Variants in TRIM14 observed in about 807,000 individuals in gnomAD.
TRIM14 encodes tripartite motif-containing protein 14.
A neutral mutation model predicts 44.5 loss-of-function variants in TRIM14; 28 were observed. That is an observed-to-expected ratio of 0.63 (90% confidence interval 0.47 to 0.86). TRIM14 has a LOEUF of 0.86. TRIM14 is among the 40% of genes least tolerant of loss of function. The pLI is 0.00. For missense variants in TRIM14, 607 were observed against 611.1 expected, an observed-to-expected ratio of 0.99 and a Z score of 0.07; for synonymous variants, 299 against 269.2, an observed-to-expected ratio of 1.11 and a Z score of -1.08.
chr9:98,071,643 T>C (rs73492791), intron 6 of TRIM14, among the ~76,000 whole-genome samples: 59,871 of 152,096 alleles, frequency 0.39, 14,628 homozygotes, highest in African/African-American at 0.68. Context: ...CCTGGCTTTG[T>C]CCTTAACTCT....
At chr9:98,077,163 G>C (rs779206025) in intron 6 of TRIM14, 69 of 637,204 alleles carry the variant, frequency 1.1e-4, no homozygotes, top group Non-Finnish European at 1.7e-4. Flanking sequence ...GGGTCTCGCT[G>C]TGTTGGCCAG....
the TRIM14 span, among the ~76,000 whole-genome samples, chr9:98,037,129 G>A: frequency 6.6e-6 from 1 of 152,202 alleles, no homozygotes; most frequent in Non-Finnish European, 1.5e-5. Context: ...TGTAATCCCA[G>A]CACTTTGGGA....
intron 6 of TRIM14, among the ~76,000 whole-genome samples, chr9:98,070,873 T>C (rs1322334948): frequency 1.3e-5 from 2 of 150,982 alleles, no homozygotes; most frequent in Non-Finnish European, 2.9e-5. Flanking sequence ...AGCACAATCA[T>C]AGCTCATAGC....
At chr9:98,089,411 C>T (rs919604354) in intron 5 of TRIM14, among the ~76,000 whole-genome samples, 7 of 152,038 alleles carry the variant, frequency 4.6e-5, no homozygotes, top group African/African-American at 9.7e-5. Flanking sequence ...TCCTGACCTC[C>T]GGTGATCCGC....
the TRIM14 span, among the ~76,000 whole-genome samples, chr9:98,040,721 G>A: frequency 2.0e-5 from 3 of 151,508 alleles, no homozygotes; most frequent in Non-Finnish European, 4.4e-5. Flanking sequence ...GCAGTGGCGC[G>A]ATCTCAGCTC....
chr9:98,069,244 G>A (rs1399794869), downstream of TRIM14: 1 of 151,950 alleles, frequency 6.6e-6, no homozygotes, highest in African/African-American at 2.4e-5. Context: ...ATACCGTAGA[G>A]TACTACTCAG....
At chr9:98,065,252 T>C (rs1224441129), downstream of TRIM14, among the ~76,000 whole-genome samples, 4 of 151,938 alleles carry the variant, frequency 2.6e-5, no homozygotes, top group East Asian at 7.7e-4. Context: ...AGAATTACAA[T>C]GTTTAGCTTC....
chr9:98,038,671 G>A, the TRIM14 span, among the ~76,000 whole-genome samples: 2 of 152,050 alleles, frequency 1.3e-5, no homozygotes, highest in Non-Finnish European at 2.9e-5. Context: ...AGTCAAAAGC[G>A]ACTGAGTTAC....
chr9:98,073,317 C>T (rs1829433642), intron 6 of TRIM14, among the ~76,000 whole-genome samples: 2 of 111,356 alleles, frequency 1.8e-5, no homozygotes, highest in African/African-American at 3.5e-5. Context: ...CGGAGTCTTG[C>T]TCTGTCACCC....
At chr9:98,052,705 C>T in the TRIM14 span, among the ~76,000 whole-genome samples, 25 of 152,264 alleles carry the variant, frequency 1.6e-4, 1 homozygote, top group South Asian at 4.8e-3. Context: ...GAGGTTTCTC[C>T]ATGTTAGTCA....
chr9:98,102,391 G>A (rs1327439804), intron 2 of TRIM14, among the ~76,000 whole-genome samples: 1 of 152,184 alleles, frequency 6.6e-6, no homozygotes, highest in Non-Finnish European at 1.5e-5. Context: ...ACCAGCCTCA[G>A]ACAGTTGTTA....
chr9:98,081,126 A>G, downstream of TRIM14: 1 of 1,606,368 alleles, frequency 6.2e-7, no homozygotes, highest in South Asian at 1.1e-5. Context: ...CCGTGTGTGG[A>G]AAAAGGATAG....
At chr9:98,054,682 T>C in the TRIM14 span, among the ~76,000 whole-genome samples, 2 of 152,164 alleles carry the variant, frequency 1.3e-5, no homozygotes, top group Non-Finnish European at 2.9e-5. Context: ...GTGTACTCCA[T>C]ACATATTGGG....
the TRIM14 span, among the ~76,000 whole-genome samples, chr9:98,064,126 G>A: frequency 1.3e-5 from 2 of 152,216 alleles, no homozygotes; most frequent in Admixed American, 6.5e-5. Context: ...GGAAGGTGGA[G>A]AACCTAGGCC....
intron 2 of TRIM14, among the ~76,000 whole-genome samples, chr9:98,107,767 A>T (rs1477459930): frequency 6.6e-6 from 1 of 152,022 alleles, no homozygotes; most frequent in Non-Finnish European, 1.5e-5. Flanking sequence ...CCTGGGTTCA[A>T]GCGATCCTCC....
the TRIM14 span, among the ~76,000 whole-genome samples, chr9:98,039,110 T>C: frequency 2.0e-5 from 3 of 151,916 alleles, no homozygotes; most frequent in African/African-American, 7.3e-5. Flanking sequence ...AGCACACCCG[T>C]ATTTCATGCA....
chr9:98,036,497 T>G, the TRIM14 span, among the ~76,000 whole-genome samples: 2 of 52,732 alleles, frequency 3.8e-5, no homozygotes, highest in African/African-American at 1.0e-4. Flanking sequence ...TGAGACTCCA[T>G]CTGAAAAAAA....
intron 2 of TRIM14, among the ~76,000 whole-genome samples, chr9:98,104,193 C>A (rs946922218): frequency 2.6e-5 from 4 of 152,046 alleles, no homozygotes; most frequent in South Asian, 2.1e-4. Flanking sequence ...GGTCAATGAG[C>A]CTGGACACAA....
the TRIM14 span, chr9:98,061,093 G>T: frequency 4.2e-6 from 5 of 1,192,044 alleles, no homozygotes; most frequent in African/African-American, 3.0e-5. Context: ...TCCAGCCCTT[G>T]CTCATCCTTT....
Sources: allele counts gnomAD v4.1 joint callset (sites outside exome capture counted in the v4.1 genomes callset), GRCh38; gene constraint gnomAD v4.1.1; transcripts MANE v1.5; gene names NCBI Gene and HGNC (gene_info 2026-07-23, HGNC 2026-07-21).